Variants in NFATC2 observed in about 807,000 individuals in gnomAD.
NFATC2 encodes the protein nuclear factor of activated T cells 2.
In NFATC2, 22 loss-of-function variants were observed where a neutral mutation model predicts 87.3. The ratio of observed to expected loss-of-function variants is 0.25; its 90% CI spans 0.18 to 0.36. The LOEUF is 0.36. NFATC2 is among the 10% of genes least tolerant of loss of function. The pLI is 1.00. For missense variants in NFATC2, 1,149 were observed against 1,259.1 expected, an observed-to-expected ratio of 0.91 and a Z score of 1.32; for synonymous variants, 565 against 542.2, an observed-to-expected ratio of 1.04 and a Z score of -0.58.
chr20:51,390,541 C>A lies in NFATC2; in HGVS notation c.*955G>T, dbSNP rs1215979372. On this transcript the variant is annotated 3_prime_UTR_variant, in exon 11 of 11. Coordinates refer to ENST00000371564, the MANE Select transcript of NFATC2 (RefSeq NM_012340.5). ...AACCTTGCAAAGCATCCAGGTTGTA[C>A]AGCTGCAGCAGACAGGTGCTTGCTC... The A allele has an allele frequency of 6.6e-6, 1 of 152,252 alleles. No homozygotes were observed. Among genetic ancestry groups the A allele is most frequent in the African/African-American group, 2.4e-5 (1 of 41,454 alleles). The allele number at this position is 152,252 out of a possible 1,614,324, so 9.4% of individuals were successfully genotyped here.
chr20:51,498,137 T>C (rs1283169086), intron 3 of NFATC2, among the ~76,000 whole-genome samples: 1 of 152,158 alleles, frequency 6.6e-6, no homozygotes, highest in East Asian at 1.9e-4. Context: ...CCTAGTGAAC[T>C]GAACCGGTCC....
At chr20:51,551,832 C>T (rs936219090) in intron 1 of NFATC2, among the ~76,000 whole-genome samples, 3 of 150,954 alleles carry the variant, frequency 2.0e-5, no homozygotes, top group Non-Finnish European at 4.4e-5. Flanking sequence ...TCAAGACCAT[C>T]CTGGCTAACA....
intron 8 of NFATC2, among the ~76,000 whole-genome samples, chr20:51,433,426 AC>A (rs1316337621): frequency 2.0e-5 from 3 of 151,652 alleles, no homozygotes; most frequent in African/African-American, 7.3e-5. Context: ...AATCATACCT[AC>A]CCCCACGAGA....
chr20:51,431,537 C>T (rs1490585229), intron 9 of NFATC2, among the ~76,000 whole-genome samples: 1 of 152,204 alleles, frequency 6.6e-6, no homozygotes, highest in Non-Finnish European at 1.5e-5. Context: ...TCCACGAGCA[C>T]AGGGTAGAGA....
intron 9 of NFATC2, among the ~76,000 whole-genome samples, chr20:51,406,042 G>A (rs1325273416): frequency 1.3e-5 from 2 of 152,184 alleles, no homozygotes; most frequent in South Asian, 2.1e-4. Context: ...CTCCCAAAGT[G>A]CTGGGATGAC....
chr20:51,528,074 A>G (rs1382778970), intron 1 of NFATC2, among the ~76,000 whole-genome samples: 1 of 144,056 alleles, frequency 6.9e-6, no homozygotes. Context: ...TGACAGGATG[A>G]GAACCTGTCC....
chr20:51,560,328 G>A (rs1276615093), intron 1 of NFATC2, among the ~76,000 whole-genome samples: 1 of 152,192 alleles, frequency 6.6e-6, no homozygotes, highest in Non-Finnish European at 1.5e-5. Flanking sequence ...AATTCTAATG[G>A]AAGCAGAAGG....
At position 51,390,419 on chromosome 20, in the gene NFATC2, T is replaced by TTAGCCCTTCTGCTATTCCTC. The variant is rs1227365065; in HGVS notation, c.*1057_*1076dup. 6.6e-6 allele frequency: 1 copy of TTAGCCCTTCTGCTATTCCTC among 152,226 alleles called. No individual in the cohort carries two copies. The highest frequency in any genetic ancestry group is 1.5e-5 in the Non-Finnish European group (1 of 68,042). 9.4% of individuals were successfully genotyped at this position (152,226 alleles called of 1,614,324 possible). ...ACCCACACTTCTTTTCTTGGTTGCT[T>TTAGCCCTTCTGCTATTCCTC]TAGCCCTTCTGCTATTCCTCAATTA... is the stretch of plus-strand genomic sequence containing the variant. On this transcript the variant is annotated 3_prime_UTR_variant, in exon 11 of 11. Transcript: ENST00000371564.
At chr20:51,527,637 T>G (rs1207785715) in intron 1 of NFATC2, among the ~76,000 whole-genome samples, 1 of 152,198 alleles carries the variant, frequency 6.6e-6, no homozygotes, top group Non-Finnish European at 1.5e-5. Flanking sequence ...TGAGGCAAGT[T>G]CAGAAAAGTC....
chr20:51,452,207 A>G (rs62229760), intron 6 of NFATC2, among the ~76,000 whole-genome samples: 66,311 of 151,830 alleles, frequency 0.44, 15,947 homozygotes, highest in East Asian at 0.61. Context: ...AGGCCCCCCA[A>G]TCACTGGACT....
chr20:51,528,279 G>A (rs2076578152), intron 1 of NFATC2, among the ~76,000 whole-genome samples: 1 of 151,972 alleles, frequency 6.6e-6, no homozygotes, highest in Admixed American at 6.6e-5. Context: ...GCTACAAAAA[G>A]GCCTGAAGAA....
At chr20:51,463,489 G>T (rs774083110) in intron 5 of NFATC2, among the ~76,000 whole-genome samples, 22 of 152,194 alleles carry the variant, frequency 1.4e-4, no homozygotes, top group Non-Finnish European at 1.0e-4. Context: ...AGTAGGAGCT[G>T]CTGTCTCTCC....
In NFATC2 at chr20:51,390,920, CTTGGGTCACG is replaced by C. The variant is rs140059144; in HGVS notation, c.*566_*575del. On this transcript the variant is annotated 3_prime_UTR_variant, in exon 11 of 11. Coordinates refer to ENST00000371564, the MANE Select transcript of NFATC2 (RefSeq NM_012340.5). ...GTTTCTTCAGCCTGTAAGCTGGGCT[CTTGGGTCACG>C]TTCCTTTGGTTGCTCTGAGAACTCC... is the stretch of plus-strand genomic sequence containing the variant. 4,851 of 223,414 alleles carry C rather than the reference CTTGGGTCACG, an allele frequency of 0.022. 224 individuals are homozygous for C. Among genetic ancestry groups the C allele is most frequent in the African/African-American group, 0.1 (4,529 of 43,984 alleles). The allele number at this position is 223,414 out of a possible 1,614,324, so 13.8% of individuals were successfully genotyped here.
At chr20:51,395,743 C>G (rs1473318275) in intron 10 of NFATC2, among the ~76,000 whole-genome samples, 11 of 150,602 alleles carry the variant, frequency 7.3e-5, no homozygotes, top group Admixed American at 2.0e-4. Context: ...ATGACAAAGT[C>G]ATTTATATAT....
At chr20:51,395,590 GA>G in intron 10 of NFATC2, among the ~76,000 whole-genome samples, 1 of 42,882 alleles carries the variant, frequency 2.3e-5, no homozygotes. Context: ...AAGACTGATG[GA>G]GAATGATCTC....
chr20:51,413,329 T>C (rs1442318460), intron 9 of NFATC2, among the ~76,000 whole-genome samples: 2 of 152,040 alleles, frequency 1.3e-5, no homozygotes, highest in East Asian at 3.9e-4. Flanking sequence ...TGAGAAGAGA[T>C]AACAGCCTGA....
At chr20:51,511,898 A>C (rs1240347623) in intron 3 of NFATC2, among the ~76,000 whole-genome samples, 2 of 152,072 alleles carry the variant, frequency 1.3e-5, no homozygotes, top group African/African-American at 4.8e-5. Context: ...AATAAGCAAA[A>C]TTTCATCTCC....
intron 6 of NFATC2, 49 bp from the exon 7 acceptor site, chr20:51,435,810 A>C: frequency 6.7e-7 from 1 of 1,500,550 alleles, no homozygotes; most frequent in Non-Finnish European, 9.1e-7. Flanking sequence ...TTAGAAACCA[A>C]AGATTTAAGA....
chr20:51,418,884 G>A (rs952922124), intron 9 of NFATC2, among the ~76,000 whole-genome samples: 3 of 151,608 alleles, frequency 2.0e-5, no homozygotes, highest in Non-Finnish European at 4.4e-5. Flanking sequence ...GACTGGTCTT[G>A]AACTACTGAC....
Sources: allele counts gnomAD v4.1 joint callset (sites outside exome capture counted in the v4.1 genomes callset), GRCh38; gene constraint gnomAD v4.1.1; transcripts MANE v1.5; gene names NCBI Gene and HGNC (gene_info 2026-07-23, HGNC 2026-07-21).